The following MCM10 variants were observed in gnomAD, a reference collection of about 807,000 sequenced individuals.
MCM10 encodes protein MCM10 homolog.
A neutral mutation model predicts 109.9 loss-of-function variants in MCM10; 91 were observed. The ratio of observed to expected loss-of-function variants is 0.83; its 90% CI spans 0.70 to 0.99. MCM10 has a LOEUF of 0.99. Among genes scored for constraint, MCM10 ranks in the 50% least tolerant of loss-of-function variants. The pLI, the probability that MCM10 is intolerant of heterozygous loss-of-function variation, is 0.00. For synonymous variants in MCM10, 380 were observed against 387.2 expected, an observed-to-expected ratio of 0.98 and a Z score of 0.22; for missense variants, 1,077 against 1,061.2, an observed-to-expected ratio of 1.01 and a Z score of -0.21.
At chr10:13,186,947 G>A (rs149159363) in intron 9 of MCM10, among the ~76,000 whole-genome samples, 22 of 152,186 alleles carry the variant, frequency 1.4e-4, no homozygotes, top group African/African-American at 2.9e-4. Flanking sequence ...AGCTGAGATC[G>A]CACTATTATA....
At chr10:13,181,795 G>A (rs975877443) in intron 7 of MCM10, among the ~76,000 whole-genome samples, 5 of 152,108 alleles carry the variant, frequency 3.3e-5, no homozygotes, top group African/African-American at 1.2e-4. Flanking sequence ...TTCATAAGTG[G>A]CTGTAATGAC....
chr10:13,208,368 A>G (rs1834611710), intron 18 of MCM10, among the ~76,000 whole-genome samples: 1 of 152,038 alleles, frequency 6.6e-6, no homozygotes, highest in Non-Finnish European at 1.5e-5. Flanking sequence ...AGCCTGGGCC[A>G]CAGAGTGAAC....
chr10:13,191,551 AAAAT>A lies in MCM10; in HGVS notation c.1516+163_1516+166del, dbSNP rs539029040. The A allele has an allele frequency of 3.3e-4, 204 of 612,364 alleles. No individual in the cohort carries two copies. In the African/African-American group the frequency reaches 3.4e-3, roughly 10 times the overall value. The allele number at this position is 612,364 out of a possible 1,614,324, so 37.9% of individuals were successfully genotyped here. ...ACCACTAAGAACTTATTCATGCACA[AAAAT>A]AAATAAATAAGCAAGCAAGCAAGCA... On this transcript the variant is annotated intron_variant, in intron 11 of 19. Transcript: ENST00000378714.
At chr10:13,195,498 C>T (rs1834405525) in intron 14 of MCM10, 1 of 374,302 alleles carries the variant, frequency 2.7e-6, no homozygotes, top group Non-Finnish European at 4.8e-6. Flanking sequence ...GTTTTATAAC[C>T]AGAGGCATTG....
chr10:13,192,291 T>G lies in MCM10; in HGVS notation c.1553T>G (p.Phe518Cys). The change falls in exon 12 of 20, where the codon TTC (phenylalanine) becomes TGC (cysteine). Residue 518 changes from phenylalanine to cysteine, a missense_variant. By Grantham distance (205) the Phe-to-Cys change is radical. Coordinates refer to ENST00000378714, the MANE Select transcript of MCM10 (RefSeq NM_018518.5). ...AAGAGCCTGTCTTGCTCTGAGGAGTTCAAGGAACTGATGGACCTGCCGACG... is the reference window on the plus strand; with the variant it reads ...AAGAGCCTGTCTTGCTCTGAGGAGTGCAAGGAACTGATGGACCTGCCGACG... Reference protein sequence around the residue: ...PQKSLSCSEEFKELMDLPTCG... With the variant: ...PQKSLSCSEECKELMDLPTCG... 1 of 1,614,164 alleles carries G rather than the reference T, an allele frequency of 6.2e-7. No homozygotes were observed. The highest frequency in any genetic ancestry group is 8.5e-7 in the Non-Finnish European group (1 of 1,180,018).
At chr10:13,181,285 T>C (rs1834206222) in intron 7 of MCM10, among the ~76,000 whole-genome samples, 1 of 152,228 alleles carries the variant, frequency 6.6e-6, no homozygotes, top group South Asian at 2.1e-4. Flanking sequence ...TAAAATGCTA[T>C]GATTGATCAT....
rs1360988099 is a variant in MCM10, at chr10:13,175,694, A to C, written c.764+13A>C. 2 of 1,572,218 alleles carry C rather than the reference A, an allele frequency of 1.3e-6. No homozygotes were observed. The highest frequency in any genetic ancestry group is 2.3e-5 in the South Asian group (2 of 86,268). On this transcript the variant is annotated intron_variant, in intron 6 of 19. Transcript: ENST00000378714. ...GTCTGCGGCTCAGGTCAGTAGCTAA[A>C]CCATCTATTCATGTGCGCCACGGCA...
chr10:13,165,930 C>G (rs187447994), intron 2 of MCM10, among the ~76,000 whole-genome samples: 23 of 150,944 alleles, frequency 1.5e-4, no homozygotes, highest in Non-Finnish European at 2.2e-4. Flanking sequence ...AAGAAAATCT[C>G]ATTTGATTGG....
intron 5 of MCM10, 49 bp from the exon 6 acceptor site, chr10:13,175,461 C>T (rs370585147): frequency 1.5e-5 from 22 of 1,499,058 alleles, no homozygotes; most frequent in African/African-American, 2.8e-5. Context: ...AAATTCCGTT[C>T]GTGATTATCA....
In MCM10 at chr10:13,210,828, C is replaced by G. The variant is rs1359613701; in HGVS notation, c.*1518C>G. 6.6e-6 allele frequency: 1 copy of G among 152,080 alleles called. No homozygotes were observed. The highest frequency in any genetic ancestry group is 1.5e-5 in the Non-Finnish European group (1 of 68,024). The allele number at this position is 152,080 out of a possible 1,614,324, so 9.4% of individuals were successfully genotyped here. On this transcript the variant is annotated 3_prime_UTR_variant, in exon 20 of 20. Transcript: ENST00000378714. ...CACTTGAAACTGATGTTTTTAATGGCTCATTTAGGGTAGATTTATTTATCT... is the reference window on the plus strand; with the variant it reads ...CACTTGAAACTGATGTTTTTAATGGGTCATTTAGGGTAGATTTATTTATCT...
In MCM10 at chr10:13,188,960, CCTT is replaced by C; in HGVS notation, c.1298_1300del (p.Phe433del). On this transcript the variant is annotated inframe_deletion, in exon 10 of 20. Transcript: ENST00000378714. ...GCAAAGCGTGCGGATCTGCAGTCCACCTTCTCTGGAGGACGAATTCCAAAGAAG... is the reference window on the plus strand; with the variant it reads ...GCAAAGCGTGCGGATCTGCAGTCCACCTCTGGAGGACGAATTCCAAAGAAG... The C allele has an allele frequency of 6.2e-7, 1 of 1,614,238 alleles. No individual in the cohort carries two copies. Among genetic ancestry groups the C allele is most frequent in the Non-Finnish European group, 8.5e-7 (1 of 1,180,044 alleles).
chr10:13,197,563 TC>T, intron 14 of MCM10, 59 bp from the exon 15 acceptor site: 1 of 1,514,456 alleles, frequency 6.6e-7, no homozygotes, highest in Non-Finnish European at 9.0e-7. Context: ...GGGATCCAGG[TC>T]TATAAGTGCC....
At chr10:13,167,983 A>G (rs953718202) in intron 2 of MCM10, among the ~76,000 whole-genome samples, 1 of 152,166 alleles carries the variant, frequency 6.6e-6, no homozygotes, top group Non-Finnish European at 1.5e-5. Flanking sequence ...CAGAGAAGAC[A>G]TGATTTTTGG....
At chr10:13,184,347 G>A (rs531157206) in intron 8 of MCM10, among the ~76,000 whole-genome samples, 2 of 152,236 alleles carry the variant, frequency 1.3e-5, no homozygotes, top group Non-Finnish European at 1.5e-5. Flanking sequence ...TTTTATAGTT[G>A]AGGGGATTTT....
chr10:13,181,495 G>A (rs1834208853), intron 7 of MCM10, among the ~76,000 whole-genome samples: 1 of 152,124 alleles, frequency 6.6e-6, no homozygotes, highest in Admixed American at 6.5e-5. Context: ...TGGACACAAG[G>A]AGGGGAACAA....
chr10:13,201,062 T>C (rs1322665709), intron 16 of MCM10, among the ~76,000 whole-genome samples: 3 of 152,164 alleles, frequency 2.0e-5, no homozygotes, highest in Non-Finnish European at 4.4e-5. Context: ...GGAGAATCAC[T>C]TGAACCCAGG....
intron 9 of MCM10, 90 bp from the exon 10 acceptor site, chr10:13,188,791 C>A: frequency 8.8e-7 from 1 of 1,130,566 alleles, no homozygotes. Flanking sequence ...GCGTCATGTT[C>A]CGGGAAGTGG....
At chr10:13,174,953 AC>A in intron 5 of MCM10, among the ~76,000 whole-genome samples, 1 of 151,842 alleles carries the variant, frequency 6.6e-6, no homozygotes, top group East Asian at 1.9e-4. Flanking sequence ...ACATGGAGAA[AC>A]CCCATCCCTA....
chr10:13,163,737 A>G (rs1046357441), intron 1 of MCM10, among the ~76,000 whole-genome samples: 1 of 152,080 alleles, frequency 6.6e-6, no homozygotes, highest in Non-Finnish European at 1.5e-5. Flanking sequence ...TTGCTATGTG[A>G]CCAGGCTGGT....
Sources: gnomAD v4.1 joint callset for allele counts (sites outside exome capture counted in the v4.1 genomes callset) on GRCh38, gnomAD v4.1.1 for gene constraint, MANE v1.5 for transcripts, NCBI Gene and HGNC (gene_info 2026-07-23, HGNC 2026-07-21) for gene names.